Variants in ZFYVE9 observed in about 807,000 individuals in gnomAD.
ZFYVE9 encodes the protein zinc finger FYVE domain-containing protein 9.
A neutral mutation model predicts 126.7 loss-of-function variants in ZFYVE9; 43 were observed. That is an observed-to-expected ratio of 0.34 (90% CI 0.27 to 0.44). The LOEUF (loss-of-function observed/expected upper bound fraction) is 0.44, where lower values mean the gene tolerates loss of function less well. Among genes scored for constraint, ZFYVE9 ranks in the 20% least tolerant of loss-of-function variants. ZFYVE9 has a pLI of 1.00. For missense variants in ZFYVE9, 1,476 were observed against 1,697.0 expected, an observed-to-expected ratio of 0.87 and a Z score of 2.29; for synonymous variants, 521 against 597.4, an observed-to-expected ratio of 0.87 and a Z score of 1.87.
intron 13 of ZFYVE9, among the ~76,000 whole-genome samples, chr1:52,323,843 G>A (rs1322444725): frequency 1.3e-5 from 2 of 150,348 alleles, no homozygotes; most frequent in Non-Finnish European, 2.9e-5. Flanking sequence ...CCTGAGGTCC[G>A]GAGTTCACAA....
chr1:52,298,748 A>G (rs1199127335), intron 12 of ZFYVE9, among the ~76,000 whole-genome samples: 1 of 136,234 alleles, frequency 7.3e-6, no homozygotes, highest in Non-Finnish European at 1.6e-5. Context: ...TAGTATGGCT[A>G]TTTTCACGGT....
chr1:52,182,064 G>T (rs1277563430), intron 1 of ZFYVE9, among the ~76,000 whole-genome samples: 6 of 151,240 alleles, frequency 4.0e-5, no homozygotes, highest in Non-Finnish European at 7.4e-5. Context: ...TCAGCCCCTC[G>T]CCCGGCCAGC....
rs1364879618 is a variant in ZFYVE9 at position 52,293,530 on chromosome 1, T to C, written c.3103T>C (p.Tyr1035His). ...CAGTAAAGAACATGGTGGATTCTTA[T>C]ATGTGACATCTACCTACCAGTCACT... ...LGSKEHGGFL[Y>H]VTSTYQSLQD... The change falls in exon 11 of 19, where the codon TAT (tyrosine) becomes CAT (histidine). Residue 1035 changes from tyrosine to histidine, a missense_variant. Physicochemically the swap from Tyr to His is moderately conservative, Grantham distance 83. This residue lies in a region of ZFYVE9 where 669 missense variants were observed against 902.4 expected (regional missense o/e 0.74). Transcript: ENST00000287727. The C allele has an allele frequency of 3.1e-6, 5 of 1,614,164 alleles. No homozygotes were observed. The highest frequency in any genetic ancestry group is 1.7e-5 in the Admixed American group (1 of 60,008).
chr1:52,266,939 C>G, intron 6 of ZFYVE9, 108 bp downstream of exon 6: 1 of 1,038,500 alleles, frequency 9.6e-7, no homozygotes, highest in Non-Finnish European at 1.3e-6. Context: ...AGATAAGTCT[C>G]TTTGGGTGGT....
intron 10 of ZFYVE9, among the ~76,000 whole-genome samples, chr1:52,285,291 A>C (rs147859555): frequency 1.2e-3 from 189 of 152,234 alleles, no homozygotes; most frequent in African/African-American, 4.3e-3. Flanking sequence ...TTTCACTATA[A>C]ATTTTTTAAT....
intron 11 of ZFYVE9, 87 bp downstream of exon 11, chr1:52,293,764 A>G: frequency 7.8e-7 from 1 of 1,287,456 alleles, no homozygotes; most frequent in Non-Finnish European, 1.1e-6. Context: ...GATATAATTC[A>G]GCAGAAATAG....
chr1:52,209,675 G>T (rs1299774343), intron 1 of ZFYVE9, among the ~76,000 whole-genome samples: 1 of 152,288 alleles, frequency 6.6e-6, no homozygotes, highest in African/African-American at 2.4e-5. Context: ...TGGTATGAAG[G>T]TGTGTTTTGG....
chr1:52,234,226 T>G (rs556048040), intron 3 of ZFYVE9, among the ~76,000 whole-genome samples: 1 of 152,306 alleles, frequency 6.6e-6, no homozygotes, highest in African/African-American at 2.4e-5. Context: ...TTAACAAGTT[T>G]ACAAAGTGGT....
rs199832857 is a variant in ZFYVE9, at chr1:52,337,865, C to T, written c.3764C>T (p.Ala1255Val). Residue 1255 changes from alanine (A) to valine (V), a missense_variant, in exon 16 of 19, where the codon GCG (alanine) becomes GTG (valine). Physicochemically the swap from Ala to Val is moderately conservative, Grantham distance 64 (BLOSUM62 0). Coordinates refer to ENST00000287727, the MANE Select transcript of ZFYVE9 (RefSeq NM_004799.4). The stretch of plus-strand genomic sequence containing the variant: ...GACTTCACCATCACCTGTGGGAAGG[C>T]GGACGCGGAGGAACCCCAGGAGCAC... ...MKDFTITCGK[A>V]DAEEPQEHIH... 1.9e-5 allele frequency: 30 copies of T among 1,614,204 alleles called. No homozygotes were observed. The highest frequency in any genetic ancestry group is 1.6e-4 in the Middle Eastern group (1 of 6,062).
At chr1:52,286,420 G>A (rs1222086364) in intron 10 of ZFYVE9, among the ~76,000 whole-genome samples, 1 of 152,144 alleles carries the variant, frequency 6.6e-6, no homozygotes, top group Non-Finnish European at 1.5e-5. Flanking sequence ...ATATGTGTGT[G>A]TATCTGTGTT....
intron 13 of ZFYVE9, among the ~76,000 whole-genome samples, chr1:52,320,430 T>A (rs1459259685): frequency 1.3e-5 from 2 of 152,152 alleles, no homozygotes; most frequent in Non-Finnish European, 2.9e-5. Flanking sequence ...TAAATATATA[T>A]GAATAGACCA....
intron 2 of ZFYVE9, among the ~76,000 whole-genome samples, chr1:52,224,282 G>A (rs1021902998): frequency 6.6e-6 from 1 of 152,142 alleles, no homozygotes; most frequent in African/African-American, 2.4e-5. Context: ...TTATATGGGA[G>A]AGGAACTGAG....
In ZFYVE9 at chr1:52,346,338, G is replaced by A; in HGVS notation, c.*117G>A. 1.7e-5 allele frequency: 5 copies of A among 302,814 alleles called. No individual in the cohort carries two copies. Among genetic ancestry groups the A allele is most frequent in the South Asian group, 3.8e-5 (1 of 26,620 alleles). 18.8% of individuals were successfully genotyped at this position (302,814 alleles called of 1,614,324 possible). A position where few individuals can be genotyped will look rare whatever the true frequency, so the allele number is the denominator to read the frequency against. ...TTGTTAACACTATTAATGGGGTGGG[G>A]AATAGGGTGGGAGTGGGGGTTTGGG... On this transcript the variant is annotated 3_prime_UTR_variant, in exon 19 of 19. Transcript: ENST00000287727.
chr1:52,290,334 C>T (rs138819793), intron 10 of ZFYVE9, among the ~76,000 whole-genome samples: 239 of 152,320 alleles, frequency 1.6e-3, no homozygotes, highest in South Asian at 4.8e-3. Context: ...TTAATCCAGT[C>T]ACCTCTCATG....
chr1:52,292,114 A>T (rs1645926474), intron 10 of ZFYVE9, among the ~76,000 whole-genome samples: 2 of 151,984 alleles, frequency 1.3e-5, no homozygotes, highest in Non-Finnish European at 2.9e-5. Context: ...CTCTGTTTCT[A>T]CTAAAAATGC....
intron 4 of ZFYVE9, among the ~76,000 whole-genome samples, chr1:52,255,898 TTTTTCTTTTCTTTTC>T (rs71577260): frequency 0.073 from 7,412 of 101,946 alleles, 418 homozygotes; most frequent in Non-Finnish European, 0.077. Context: ...CTATTTTGCT[TTTTTCTTTTCTTTTC>T]TTTTCTTTTC....
Position 52,274,489 on chromosome 1 carries a change from G to C in ZFYVE9, c.2651G>C (p.Ser884Thr). 6.2e-7 allele frequency: 1 copy of C among 1,611,744 alleles called. No individual in the cohort carries two copies. The highest frequency in any genetic ancestry group is 1.1e-5 in the South Asian group (1 of 90,766). The change falls in exon 8 of 19, where the codon AGT (serine) becomes ACT (threonine). Residue 884 changes from serine to threonine, a missense_variant. Coordinates refer to ENST00000287727, the MANE Select transcript of ZFYVE9 (RefSeq NM_004799.4). ...AETDICLFSGSITQVGSPVGS... is the reference protein window; with the variant it reads ...AETDICLFSGTITQVGSPVGS... ...ACGGATATTTGTCTATTCTCTGGGA[G>C]TATAACTCAGGTTGGAAGTCCTGTT...
intron 10 of ZFYVE9, among the ~76,000 whole-genome samples, chr1:52,283,850 A>G (rs1311431494): frequency 2.6e-5 from 4 of 152,230 alleles, no homozygotes; most frequent in Admixed American, 2.0e-4. Context: ...TTTTTATAAT[A>G]TATAGATTAT....
At chr1:52,225,302 G>A (rs1419780522) in intron 2 of ZFYVE9, among the ~76,000 whole-genome samples, 6 of 152,148 alleles carry the variant, frequency 3.9e-5, no homozygotes, top group Non-Finnish European at 5.9e-5. Context: ...AGTGGGATGC[G>A]TCTCCCCATG....
Sources: allele counts gnomAD v4.1 joint callset (sites outside exome capture counted in the v4.1 genomes callset), GRCh38; gene constraint gnomAD v4.1.1; regional missense constraint gnomAD v4.1.1; transcripts MANE v1.5; gene names NCBI Gene and HGNC (gene_info 2026-07-23, HGNC 2026-07-21).